The following KIF1A variants were observed in gnomAD, a reference collection of about 807,000 sequenced individuals.
The protein encoded by KIF1A is kinesin-like protein KIF1A.
A neutral mutation model predicts 227.3 loss-of-function variants in KIF1A; 46 were observed. The ratio of observed to expected loss-of-function variants is 0.20; its 90% CI spans 0.16 to 0.26. The LOEUF is 0.26. Ranked by LOEUF, KIF1A falls within the 10% of genes least tolerant of loss-of-function variation. KIF1A has a pLI of 1.00. For missense variants in KIF1A, 1,683 were observed against 2,485.9 expected, an observed-to-expected ratio of 0.68 and a Z score of 6.87; for synonymous variants, 1,022 against 1,012.8, an observed-to-expected ratio of 1.01 and a Z score of -0.17.
intron 2 of KIF1A, among the ~76,000 whole-genome samples, chr2:240,795,426 T>C (rs762089130): frequency 6.6e-6 from 1 of 152,196 alleles, no homozygotes; most frequent in Non-Finnish European, 1.5e-5. Context: ...GTTCAGCTTT[T>C]GTTCTCCAGG....
At chr2:240,808,853 C>T (rs2057644325) in intron 1 of KIF1A, among the ~76,000 whole-genome samples, 1 of 151,994 alleles carries the variant, frequency 6.6e-6, no homozygotes, top group African/African-American at 2.4e-5. Context: ...GCCTCAGCCT[C>T]CCGAGTAGTT....
chr2:240,776,335 C>T (rs776755087), intron 10 of KIF1A, among the ~76,000 whole-genome samples: 4 of 152,232 alleles, frequency 2.6e-5, no homozygotes, highest in African/African-American at 9.6e-5. Flanking sequence ...GGAAAAGGCC[C>T]CACAGCTAAA....
chr2:240,764,183 C>A (rs1249582279), intron 20 of KIF1A, among the ~76,000 whole-genome samples: 2 of 152,208 alleles, frequency 1.3e-5, no homozygotes, highest in African/African-American at 4.8e-5. Flanking sequence ...GTCTGTCCCC[C>A]CTCAGCACCT....
chr2:240,749,971 T>G (rs2049024536), intron 28 of KIF1A, among the ~76,000 whole-genome samples: 1 of 152,206 alleles, frequency 6.6e-6, no homozygotes, highest in Admixed American at 6.5e-5. Context: ...TTCCTGGGGC[T>G]GCAGAGACAG....
chr2:240,813,318 C>T (rs1404110776), intron 1 of KIF1A, among the ~76,000 whole-genome samples: 2 of 152,240 alleles, frequency 1.3e-5, no homozygotes, highest in East Asian at 3.8e-4. Context: ...CAGCCCCCAA[C>T]TGCAAAGGGC....
In KIF1A at chr2:240,758,449, C is replaced by A. The variant is rs201861261; in HGVS notation, c.2493G>T (p.Val831=). The A allele has an allele frequency of 2.6e-4, 415 of 1,611,206 alleles. No homozygotes were observed. The highest frequency in any genetic ancestry group is 2.3e-4 in the Non-Finnish European group (276 of 1,178,662). ...CACAGTCCTCGATGACACTGGAGGG[C>A]ACCTCTGCAGCGCGGTCGTACATCT... The part of the protein sequence containing the change: ...MREMYDRAAE[V]PSSVIEDCDN... Residue 831 remains valine (V), a synonymous_variant, in exon 26 of 49, where the codon GTG becomes GTT. Transcript: ENST00000498729. This position sits in a 1 kb window ranked among gnomAD's most constrained non-coding sequence, Gnocchi z 5.2.
intron 7 of KIF1A, 144 bp downstream of exon 7, chr2:240,784,845 A>AGT: frequency 1.5e-6 from 1 of 647,414 alleles, no homozygotes; most frequent in Non-Finnish European, 2.7e-6. Context: ...ACCTGGTGCC[A>AGT]GTGTAAGTGT....
chr2:240,807,076 A>ATGTG (rs1417412882), intron 1 of KIF1A, among the ~76,000 whole-genome samples: 5 of 73,228 alleles, frequency 6.8e-5, no homozygotes, highest in South Asian at 3.8e-4. Context: ...ATCCTCATAT[A>ATGTG]TATGTGTGTG....
intron 24 of KIF1A, 106 bp downstream of exon 24, chr2:240,761,123 G>A (rs987138426): frequency 8.1e-6 from 11 of 1,350,252 alleles, no homozygotes; most frequent in East Asian, 2.4e-5. Flanking sequence ...TGCCACCCCC[G>A]GGGCCGGCAG....
chr2:240,786,578 A>T lies in KIF1A; in HGVS notation c.430-65T>A, dbSNP rs2054779224. On this transcript the variant is annotated intron_variant, in intron 5 of 48. Coordinates refer to ENST00000498729, the MANE Select transcript of KIF1A (RefSeq NM_001244008.2). The stretch of plus-strand genomic sequence containing the variant: ...AGGGAGTGGGGCTGCCACTGGGGGG[A>T]CCCCTGAGTGAGGGGGTAGGGGTCA... The T allele has an allele frequency of 2.7e-6, 4 of 1,480,250 alleles. No homozygotes were observed. In the African/African-American group the frequency reaches 5.9e-5, roughly 22 times the overall value. The allele number at this position is 1,480,250 out of a possible 1,614,324, so 91.7% of individuals were successfully genotyped here. A position where few individuals can be genotyped will look rare whatever the true frequency, so the allele number is the denominator to read the frequency against.
rs1490718998 is a variant in KIF1A at position 240,766,743 on chromosome 2, TCTCTCTCA to T, written c.1684+164_1684+171del. Among the ~76,000 whole-genome samples the T allele has an allele frequency of 6.4e-5, 8 of 125,514 alleles. No individual in the cohort carries two copies. The highest frequency in any genetic ancestry group is 2.8e-4 in the East Asian group (1 of 3,530). 82.3% of individuals were successfully genotyped at this position (125,514 alleles called of 152,430 possible). A position where few individuals can be genotyped will look rare whatever the true frequency, so the allele number is the denominator to read the frequency against. On this transcript the variant is annotated intron_variant, in intron 19 of 48. Coordinates refer to ENST00000498729, the MANE Select transcript of KIF1A (RefSeq NM_001244008.2). This position sits in a 1 kb window ranked among gnomAD's most constrained non-coding sequence, Gnocchi z 5.0. Reference sequence around the variant, plus strand: ...CCAAATCTCTCTCTCTCTCTCTCTCTCTCTCTCACACACACACACACACACACACACAC... The same window carrying T: ...CCAAATCTCTCTCTCTCTCTCTCTCTCACACACACACACACACACACACAC...
At chr2:240,801,637 T>C (rs2056978699) in intron 1 of KIF1A, among the ~76,000 whole-genome samples, 1 of 152,116 alleles carries the variant, frequency 6.6e-6, no homozygotes, top group Admixed American at 6.5e-5. Flanking sequence ...GTGATGACTT[T>C]AGTAAGTGGG....
chr2:240,742,717 G>A (rs1458582850), intron 34 of KIF1A, among the ~76,000 whole-genome samples: 1 of 152,066 alleles, frequency 6.6e-6, no homozygotes, highest in Non-Finnish European at 1.5e-5. Context: ...CCACACCTCT[G>A]CCACCAGCTC....
At chr2:240,765,632 G>T in intron 20 of KIF1A, 78 bp downstream of exon 20, 3 of 1,142,456 alleles carry the variant, frequency 2.6e-6, no homozygotes, top group Non-Finnish European at 2.6e-6. Context: ...CACAGGAGGC[G>T]GTGGCTTGGA....
chr2:240,728,640 G>A (rs946497573), intron 38 of KIF1A, among the ~76,000 whole-genome samples: 1 of 152,240 alleles, frequency 6.6e-6, no homozygotes, highest in Non-Finnish European at 1.5e-5. Flanking sequence ...TCTGCAGTGA[G>A]AGCCTTGCGT....
Position 240,797,776 on chromosome 2 carries a change from C to T in KIF1A, c.-24G>A, listed in dbSNP as rs749174694. On this transcript the variant is annotated 5_prime_UTR_variant, in exon 2 of 49. Coordinates refer to ENST00000498729, the MANE Select transcript of KIF1A (RefSeq NM_001244008.2). ...ATCTCTGTGGCCTTCGTGGGTCACT[C>T]CTCGCAGTAGTGGGAGCCCCAGTGT... 34 of 1,508,974 alleles carry T rather than the reference C, an allele frequency of 2.3e-5. No individual in the cohort carries two copies. The highest frequency in any genetic ancestry group is 3.0e-5 in the Non-Finnish European group (33 of 1,092,710). The allele number at this position is 1,508,974 out of a possible 1,614,324, so 93.5% of individuals were successfully genotyped here. A position where few individuals can be genotyped will look rare whatever the true frequency, so the allele number is the denominator to read the frequency against.
intron 46 of KIF1A, among the ~76,000 whole-genome samples, chr2:240,719,534 G>A (rs1370442044): frequency 1.3e-5 from 2 of 152,224 alleles, no homozygotes; most frequent in African/African-American, 4.8e-5. Context: ...CCTGTGCTCT[G>A]TGCTGGTTCC....
Position 240,763,066 on chromosome 2 carries a change from G to T in KIF1A, c.1975C>A (p.Arg659Ser). Reference sequence around the variant, plus strand: ...TAGGTGGCCTCCTCCCGCTCGCGGCGGTACTGGTCCTCCAGTTCCTGGAGC... The same window carrying T: ...TAGGTGGCCTCCTCCCGCTCGCGGCTGTACTGGTCCTCCAGTTCCTGGAGC... Reference protein sequence around the residue: ...QRLQELEDQYRREREEATYLL... With the variant: ...QRLQELEDQYSREREEATYLL... Residue 659 changes from arginine (R) to serine (S), a missense_variant, in exon 22 of 49, where the codon CGC becomes AGC. Physicochemically the swap from Arg to Ser is moderately radical, Grantham distance 110. Coordinates refer to ENST00000498729, the MANE Select transcript of KIF1A (RefSeq NM_001244008.2). The T allele has an allele frequency of 6.4e-7, 1 of 1,564,120 alleles. No homozygotes were observed. Among genetic ancestry groups the T allele is most frequent in the Non-Finnish European group, 8.6e-7 (1 of 1,156,896 alleles).
chr2:240,763,148 G>C lies in KIF1A; in HGVS notation c.1949+18C>G. ...GGCAGGAGGGGCAGCAGGCAGTTGGGGGTGGCCTCCGCCTCACCTCTGCTC... is the reference window on the plus strand; with the variant it reads ...GGCAGGAGGGGCAGCAGGCAGTTGGCGGTGGCCTCCGCCTCACCTCTGCTC... On this transcript the variant is annotated intron_variant, in intron 21 of 48. Transcript: ENST00000498729. The C allele has an allele frequency of 6.2e-7, 1 of 1,606,300 alleles. No homozygotes were observed. Among genetic ancestry groups the C allele is most frequent in the Non-Finnish European group, 8.5e-7 (1 of 1,178,468 alleles).
Sources: gnomAD v4.1 joint callset for allele counts (sites outside exome capture counted in the v4.1 genomes callset) on GRCh38, gnomAD v4.1.1 for gene constraint, Gnocchi (gnomAD v3.1) non-coding constraint, MANE v1.5 for transcripts, NCBI Gene and HGNC (gene_info 2026-07-23, HGNC 2026-07-21) for gene names.